The following PLIN1 variants were observed in gnomAD, a reference collection of about 807,000 sequenced individuals.
PLIN1 encodes perilipin 1.
PLIN1 carries 37 observed loss-of-function variants against 45.8 expected under a neutral mutation model. The ratio of observed to expected loss-of-function variants is 0.81; its 90% confidence interval spans 0.62 to 1.06. The LOEUF (loss-of-function observed/expected upper bound fraction) is 1.06, where lower values mean the gene tolerates loss of function less well. PLIN1 is among the 50% of genes least tolerant of loss of function. PLIN1 has a pLI of 0.00. For synonymous variants in PLIN1, 340 were observed against 309.2 expected (o/e 1.10, Z -1.05); for missense variants, 776 against 716.5 (o/e 1.08, Z -0.95).
At chr15:89,669,735 G>T in intron 5 of PLIN1, 63 bp from the exon 6 acceptor site, 5 of 1,449,012 alleles carry the variant, frequency 3.5e-6, no homozygotes, top group East Asian at 2.6e-5. Context: ...AGAGATCTGG[G>T]TCATGTCTAG....
At chr15:89,672,605 C>G (rs1486899849) in intron 3 of PLIN1, among the ~76,000 whole-genome samples, 2 of 152,230 alleles carry the variant, frequency 1.3e-5, no homozygotes, top group African/African-American at 4.8e-5. Flanking sequence ...CGATTTCCCT[C>G]AGCCCTGTGT....
chr15:89,665,639 C>A lies in PLIN1; in HGVS notation c.1513G>T (p.Val505Phe). The change falls in exon 9 of 9, where the codon GTC becomes TTC. Residue 505 changes from valine (V) to phenylalanine (F), a missense_variant. Transcript: ENST00000300055. ...GTGCGGCCCAGGATGGGCTCCATGA[C>A]GCTGGGCCGGAAGAAGCTGTCGCTG... ...RVSDSFFRPS[V>F]MEPILGRTHY... 6.6e-7 allele frequency: 1 copy of A among 1,506,284 alleles called. No homozygotes were observed. The highest frequency in any genetic ancestry group is 8.9e-7 in the Non-Finnish European group (1 of 1,129,672). 93.3% of individuals were successfully genotyped at this position (1,506,284 alleles called of 1,614,324 possible).
chr15:89,667,831 C>A, intron 6 of PLIN1, 38 bp from the exon 7 acceptor site: 1 of 1,542,376 alleles, frequency 6.5e-7, no homozygotes. Context: ...GCTCAACTGC[C>A]CCTGCTGAAG....
intron 4 of PLIN1, among the ~76,000 whole-genome samples, chr15:89,671,133 A>ACTCATGAT (rs1964433095): frequency 6.6e-6 from 1 of 152,104 alleles, no homozygotes; most frequent in East Asian, 1.9e-4. Context: ...AATGAGTGTG[A>ACTCATGAT]CTCATGATCT....
intron 8 of PLIN1, among the ~76,000 whole-genome samples, chr15:89,666,158 C>A (rs1028204861): frequency 6.6e-6 from 1 of 152,218 alleles, no homozygotes; most frequent in Non-Finnish European, 1.5e-5. Flanking sequence ...CTCAGGCAAG[C>A]CAAGCCTCCC....
rs1339153377 is a variant in PLIN1, at chr15:89,667,011, C to A, written c.1134G>T (p.Gly378=). The A allele has an allele frequency of 3.1e-6, 5 of 1,614,136 alleles. No homozygotes were observed. Among genetic ancestry groups the A allele is most frequent in the Non-Finnish European group, 3.4e-6 (4 of 1,179,998 alleles). ...TPAPAVSSTK[G]RAMSLSDALK... ...GGGCATCTGATAGGGACATGGCCCT[C>A]CCCTTGGTTGAGGAGACAGCAGGGG... The change falls in exon 8 of 9, where the codon GGG becomes GGT. Residue 378 remains glycine, a synonymous_variant. Coordinates refer to ENST00000300055, the MANE Select transcript of PLIN1 (RefSeq NM_002666.5).
chr15:89,670,902 G>A (rs754394343), intron 4 of PLIN1, among the ~76,000 whole-genome samples: 7 of 152,102 alleles, frequency 4.6e-5, no homozygotes, highest in South Asian at 4.1e-4. Flanking sequence ...TGATGGCCCC[G>A]GGCATAGGGT....
intron 2 of PLIN1, among the ~76,000 whole-genome samples, chr15:89,674,833 G>A (rs748348185): frequency 2.6e-5 from 4 of 152,108 alleles, no homozygotes; most frequent in Non-Finnish European, 5.9e-5. Flanking sequence ...CCCTCTCCTG[G>A]ACATGCTACA....
chr15:89,667,460 C>T, intron 7 of PLIN1, 142 bp downstream of exon 7: 1 of 1,309,450 alleles, frequency 7.6e-7, no homozygotes, highest in Non-Finnish European at 1.1e-6. Flanking sequence ...GCCAGCTGGG[C>T]ATTTGGGGGT....
At position 89,667,603 on chromosome 15, in the gene PLIN1, T is replaced by G; in HGVS notation, c.962A>C (p.Glu321Ala). The G allele has an allele frequency of 6.2e-7, 1 of 1,614,136 alleles. No individual in the cohort carries two copies. The highest frequency in any genetic ancestry group is 8.5e-7 in the Non-Finnish European group (1 of 1,179,968). Residue 321 changes from glutamate (E) to alanine (A), a missense_variant and splice_region_variant, in exon 7 of 9, where the codon GAG becomes GCG. Transcript: ENST00000300055. ...ELETEENKFS[E>A]VAALPGPRGL... Reference sequence around the variant, plus strand: ...TGAGGCTCCCACTCTCCCCCTCACCTCACTGAACTTGTTCTCCTCAGTCTC... The same window carrying G: ...TGAGGCTCCCACTCTCCCCCTCACCGCACTGAACTTGTTCTCCTCAGTCTC...
chr15:89,679,307 G>T lies in PLIN1; in HGVS notation c.-71C>A, dbSNP rs1470567391. 1 of 152,638 alleles carries T rather than the reference G, an allele frequency of 6.6e-6. No homozygotes were observed. The highest frequency in any genetic ancestry group is 2.4e-5 in the African/African-American group (1 of 41,374). The allele number at this position is 152,638 out of a possible 1,614,324, so 9.5% of individuals were successfully genotyped here. The stretch of plus-strand genomic sequence containing the variant: ...AAGCCATGTAAGGCAGGTGCCCCAG[G>T]ACCCCAACACTCACTCCGGCTGACC... On this transcript the variant is annotated 5_prime_UTR_variant, in exon 1 of 9. Transcript: ENST00000300055.
At chr15:89,669,373 CCAGCCCACG>C (rs908985888) in intron 6 of PLIN1, 118 bp downstream of exon 6, 53 of 858,864 alleles carry the variant, frequency 6.2e-5, no homozygotes, top group Middle Eastern at 6.6e-4. Flanking sequence ...AACTGAAGCC[CCAGCCCACG>C]TTGGAAGAGA....
intron 2 of PLIN1, 127 bp downstream of exon 2, chr15:89,677,318 G>T: frequency 1.2e-6 from 1 of 841,766 alleles, no homozygotes; most frequent in Non-Finnish European, 2.1e-6. Context: ...ACTAAGCCAT[G>T]GTAGTCAATG....
In PLIN1 at chr15:89,665,625, G is replaced by C; in HGVS notation, c.1527C>G (p.Ile509Met). Residue 509 changes from isoleucine to methionine, a missense_variant, in exon 9 of 9, where the codon ATC becomes ATG. Physicochemically the swap from Ile to Met is conservative, Grantham distance 10. Coordinates refer to ENST00000300055, the MANE Select transcript of PLIN1 (RefSeq NM_002666.5). ...GCTGGCTGTAATGCGTGCGGCCCAG[G>C]ATGGGCTCCATGACGCTGGGCCGGA... Reference protein sequence around the residue: ...SFFRPSVMEPILGRTHYSQLR... With the variant: ...SFFRPSVMEPMLGRTHYSQLR... 1.3e-6 allele frequency: 2 copies of C among 1,518,050 alleles called. No individual in the cohort carries two copies. Among genetic ancestry groups the C allele is most frequent in the Non-Finnish European group, 1.8e-6 (2 of 1,135,026 alleles). The allele number at this position is 1,518,050 out of a possible 1,614,324, so 94.0% of individuals were successfully genotyped here. A position where few individuals can be genotyped will look rare whatever the true frequency, so the allele number is the denominator to read the frequency against.
chr15:89,677,646 G>A, intron 1 of PLIN1, 143 bp from the exon 2 acceptor site: 1 of 762,092 alleles, frequency 1.3e-6, no homozygotes, highest in Admixed American at 1.8e-5. Flanking sequence ...AGGTTGGAGG[G>A]TGAATATCAC....
rs367665245 is a variant in PLIN1 at position 89,673,372 on chromosome 15, C to A, written c.88G>T (p.Val30Leu). 2.5e-6 allele frequency: 4 copies of A among 1,604,634 alleles called. No individual in the cohort carries two copies. The Admixed American group carries it at 5.1e-5, about 20-fold the overall frequency. The change falls in exon 3 of 9, where the codon GTG becomes TTG. Residue 30 changes from valine to leucine, a missense_variant. Transcript: ENST00000300055. Reference sequence around the variant, plus strand: ...TGGAAGCATTCGCAGGTGCCACTCACCACCGGCAGCTGCAGGACCCGCTGC... The same window carrying A: ...TGGAAGCATTCGCAGGTGCCACTCAACACCGGCAGCTGCAGGACCCGCTGC... ...VLQRVLQLPV[V>L]SGTCECFQKT...
In PLIN1 at chr15:89,671,479, C is replaced by A; in HGVS notation, c.333+3G>T. 1 of 1,562,710 alleles carries A rather than the reference C, an allele frequency of 6.4e-7. No individual in the cohort carries two copies. Among genetic ancestry groups the A allele is most frequent in the Non-Finnish European group, 8.7e-7 (1 of 1,151,722 alleles). ...GAGGCTTCGAGAGGTGGGAAGGGCT[C>A]ACCTTTTCAGGGGGGTACTGGAGGG... On this transcript the variant is annotated splice_donor_region_variant and intron_variant, in intron 4 of 8. Transcript: ENST00000300055.
intron 1 of PLIN1, 42 bp from the exon 2 acceptor site, chr15:89,677,545 T>TTC: frequency 6.4e-7 from 1 of 1,555,214 alleles, no homozygotes; most frequent in Non-Finnish European, 8.9e-7. Flanking sequence ...GCCCTCAGGC[T>TTC]TGAGCTCCAC....
intron 3 of PLIN1, 31 bp downstream of exon 3, chr15:89,673,179 C>G: frequency 6.7e-7 from 1 of 1,488,032 alleles, no homozygotes; most frequent in South Asian, 1.2e-5. Context: ...AGTGAACAAG[C>G]AGGCAGCTGC....
Sources: gnomAD v4.1 joint callset for allele counts (sites outside exome capture counted in the v4.1 genomes callset) on GRCh38, gnomAD v4.1.1 for gene constraint, MANE v1.5 for transcripts, NCBI Gene and HGNC (gene_info 2026-07-23, HGNC 2026-07-21) for gene names.